NRG1: variants seen among roughly 807,000 people sequenced by gnomAD.
The protein encoded by NRG1 is neuregulin 1.
NRG1 carries 18 observed loss-of-function variants against 63.8 expected under a neutral mutation model. That is an observed-to-expected ratio of 0.28 (90% CI 0.19 to 0.42). The LOEUF is 0.42. Among genes scored for constraint, NRG1 ranks in the 10% least tolerant of loss-of-function variants. The pLI, the probability that NRG1 is intolerant of heterozygous loss-of-function variation, is 1.00. For synonymous variants in NRG1, 302 were observed against 301.3 expected (o/e 1.00, Z -0.02); for missense variants, 762 against 814.7 (o/e 0.94, Z 0.79).
intron 1 of NRG1, among the ~76,000 whole-genome samples, chr8:32,069,658 G>T (rs902097746): frequency 6.6e-6 from 1 of 152,132 alleles, no homozygotes; most frequent in South Asian, 2.1e-4. Flanking sequence ...GCACCTCGGG[G>T]TAAGGATGCT....
chr8:32,344,394 T>TTCTTCCTCTTTCTTTTTCTTTC (rs1586939928), intron 1 of NRG1, among the ~76,000 whole-genome samples: 1 of 133,700 alleles, frequency 7.5e-6, no homozygotes, highest in Middle Eastern at 3.4e-3. Flanking sequence ...CTTTCTTTCT[T>TTCTTCCTCTTTCTTTTTCTTTC]TTTTGTGCAT....
intron 1 of NRG1, among the ~76,000 whole-genome samples, chr8:31,686,448 A>AT (rs1808901383): frequency 6.6e-6 from 1 of 152,160 alleles, no homozygotes; most frequent in African/African-American, 2.4e-5. Flanking sequence ...AATAAATTAT[A>AT]TGTTGTTAAG....
intron 1 of NRG1, among the ~76,000 whole-genome samples, chr8:32,150,162 A>G (rs574686879): frequency 1.3e-5 from 2 of 151,044 alleles, no homozygotes; most frequent in South Asian, 2.1e-4. Flanking sequence ...TACAAACTGC[A>G]TTTGTATTCA....
chr8:31,712,190 T>A (rs1335270292), intron 1 of NRG1, among the ~76,000 whole-genome samples: 2 of 151,828 alleles, frequency 1.3e-5, no homozygotes, highest in African/African-American at 4.8e-5. Context: ...CACGCTATTA[T>A]TTCTTGAGCT....
rs535626121 is a variant in NRG1, at chr8:31,886,729, A to C, written c.37+247298A>C. Among the ~76,000 whole-genome samples the C allele has an allele frequency of 5.1e-4, 77 of 152,182 alleles. 1 individual carries two copies. Among genetic ancestry groups the C allele is most frequent in the African/African-American group, 1.6e-3 (67 of 41,548 alleles). On this transcript the variant is annotated intron_variant, in intron 1 of 10. Coordinates refer to the NRG1 transcript ENST00000519301. ...ATTAGAATATGGTAGCTAGCTTGGAATAGGCATCATCAATGATTCGAATGC... is the reference window on the plus strand; with the variant it reads ...ATTAGAATATGGTAGCTAGCTTGGACTAGGCATCATCAATGATTCGAATGC...
downstream of NRG1, among the ~76,000 whole-genome samples, chr8:32,772,061 A>C: frequency 2.1e-4 from 1 of 4,688 alleles, no homozygotes; most frequent in East Asian, 5.6e-3. Context: ...ATATATATAT[A>C]TATATATATA....
rs564394559 is a variant in NRG1, at chr8:32,330,943, ATTGTT to A, written c.38-264878_38-264874del. Among the ~76,000 whole-genome samples the A allele has an allele frequency of 2.2e-3, 341 of 151,888 alleles. 2 individuals carry two copies. Among genetic ancestry groups the A allele is most frequent in the African/African-American group, 8.0e-3 (330 of 41,372 alleles). ...TTTCTCTCCTGATCTAGAGTTTTAG[ATTGTT>A]TTGTTTGTTTTGTTTTGTTTTCCTG... is the stretch of plus-strand genomic sequence containing the variant. On this transcript the variant is annotated intron_variant, in intron 1 of 10. Coordinates refer to the NRG1 transcript ENST00000519301.
chr8:32,759,237 G>T, intron 9 of NRG1, 69 bp from the exon 10 acceptor site: 1 of 1,507,868 alleles, frequency 6.6e-7, no homozygotes, highest in South Asian at 1.3e-5. Context: ...TTATTTACAT[G>T]ACAATATTAG....
chr8:32,320,171 A>T (rs1801219596), intron 1 of NRG1, among the ~76,000 whole-genome samples: 1 of 152,200 alleles, frequency 6.6e-6, no homozygotes, highest in Non-Finnish European at 1.5e-5. Context: ...TGATTTTTAA[A>T]TTAAAAATAT....
intron 1 of NRG1, among the ~76,000 whole-genome samples, chr8:31,876,066 CAAT>C (rs1829893789): frequency 6.7e-6 from 1 of 149,110 alleles, no homozygotes; most frequent in East Asian, 2.0e-4. Flanking sequence ...AACAAACAAA[CAAT>C]TGGAAGAAAT....
At chr8:32,482,988 G>A (rs149350699) in intron 1 of NRG1, among the ~76,000 whole-genome samples, 135 of 152,340 alleles carry the variant, frequency 8.9e-4, no homozygotes, top group East Asian at 3.9e-3. Context: ...GGGACAGGGC[G>A]TTAGACAGCA....
intron 1 of NRG1, among the ~76,000 whole-genome samples, chr8:32,492,184 C>T (rs914977817): frequency 2.0e-5 from 3 of 151,868 alleles, no homozygotes. Flanking sequence ...TATTATTCAT[C>T]AGGGCCTAGC....
At chr8:32,070,255 C>T (rs565249027) in intron 1 of NRG1, among the ~76,000 whole-genome samples, 7 of 152,238 alleles carry the variant, frequency 4.6e-5, no homozygotes, top group South Asian at 2.1e-4. Flanking sequence ...TCAAGCCAAA[C>T]GGAACTGGAT....
At chr8:32,416,507 A>G (rs1163574709) in intron 1 of NRG1, among the ~76,000 whole-genome samples, 2 of 152,070 alleles carry the variant, frequency 1.3e-5, no homozygotes, top group Admixed American at 1.3e-4. Flanking sequence ...CGATTCTCGA[A>G]TATAGGCTTT....
intron 5 of NRG1, among the ~76,000 whole-genome samples, chr8:32,698,625 A>G (rs1216305543): frequency 1.3e-5 from 2 of 152,078 alleles, no homozygotes; most frequent in African/African-American, 4.8e-5. Flanking sequence ...GAGCCGGGGA[A>G]CTGTACAAGG....
chr8:31,675,626 T>TA lies in NRG1; in HGVS notation c.37+36202dup, dbSNP rs541628574. Among the ~76,000 whole-genome samples the TA allele has an allele frequency of 3.9e-4, 60 of 152,236 alleles. 1 individual carries two copies. The highest frequency in any genetic ancestry group is 3.4e-3 in the Middle Eastern group (1 of 294). On this transcript the variant is annotated intron_variant, in intron 1 of 10. Transcript: ENST00000519301. ...GGGCCTAGAAGGCATCTCTTGTTTA[T>TA]AAAAAAACACTGGGCATCATTGTAC...
At chr8:31,746,599 AGGTTC>A (rs910557935) in intron 1 of NRG1, among the ~76,000 whole-genome samples, 3 of 151,952 alleles carry the variant, frequency 2.0e-5, no homozygotes, top group Non-Finnish European at 4.4e-5. Flanking sequence ...AATAATTTGG[AGGTTC>A]TTCAAAAAAC....
intron 1 of NRG1, among the ~76,000 whole-genome samples, chr8:31,784,493 A>G (rs529840305): frequency 5.9e-5 from 9 of 152,318 alleles, no homozygotes; most frequent in African/African-American, 1.9e-4. Flanking sequence ...GCTTCTGAGA[A>G]TTTGCCGAGT....
At chr8:31,747,736 G>GTATTA (rs1950492519) in intron 1 of NRG1, among the ~76,000 whole-genome samples, 2 of 151,978 alleles carry the variant, frequency 1.3e-5, no homozygotes, top group South Asian at 4.1e-4. Flanking sequence ...ATTAACACAG[G>GTATTA]CCTCCCTGGA....
Sources: allele counts gnomAD v4.1 joint callset (sites outside exome capture counted in the v4.1 genomes callset), GRCh38; gene constraint gnomAD v4.1.1; transcripts MANE v1.5; gene names NCBI Gene and HGNC (gene_info 2026-07-23, HGNC 2026-07-21).